Variants in SPAG9 observed in about 807,000 individuals in gnomAD.
SPAG9 encodes the protein C-Jun-amino-terminal kinase-interacting protein 4.
SPAG9 carries 35 observed loss-of-function variants against 166.5 expected under a neutral mutation model. That is an observed-to-expected ratio of 0.21 (90% CI 0.16 to 0.28). The LOEUF is 0.28. Ranked by LOEUF, SPAG9 falls within the 10% of genes least tolerant of loss-of-function variation. The probability of loss-of-function intolerance (pLI) is 1.00; values close to 1 mark genes in which losing one functional copy is unlikely to be tolerated. For missense variants in SPAG9, 1,235 were observed against 1,603.3 expected (o/e 0.77, Z 3.92); for synonymous variants, 534 against 565.5 (o/e 0.94, Z 0.79).
At chr17:50,979,321 G>A (rs1012871205) in intron 26 of SPAG9, among the ~76,000 whole-genome samples, 4 of 147,702 alleles carry the variant, frequency 2.7e-5, no homozygotes, top group African/African-American at 7.5e-5. Context: ...GCAGTGAGCC[G>A]TGATGGTGCC....
At position 51,046,375 on chromosome 17, in the gene SPAG9, A is replaced by G. The variant is rs892588227; in HGVS notation, c.590+1000T>C. On this transcript the variant is annotated intron_variant, in intron 4 of 29. Coordinates refer to ENST00000262013, the MANE Select transcript of SPAG9 (RefSeq NM_001130528.3). Reference sequence around the variant, plus strand: ...AAATTACTATAAATTAGAATCAAAAATCCTAGCTTCAGGCCATTTTCCATT... The same window carrying G: ...AAATTACTATAAATTAGAATCAAAAGTCCTAGCTTCAGGCCATTTTCCATT... 22 of 660,494 alleles carry G rather than the reference A, an allele frequency of 3.3e-5. No homozygotes were observed. The African/African-American group carries it at 3.6e-4, about 11-fold the overall frequency. 40.9% of individuals were successfully genotyped at this position (660,494 alleles called of 1,614,324 possible).
At chr17:51,019,943 G>C (rs914686849) in intron 8 of SPAG9, among the ~76,000 whole-genome samples, 1 of 152,192 alleles carries the variant, frequency 6.6e-6, no homozygotes, top group Non-Finnish European at 1.5e-5. Context: ...CATCCTTCCT[G>C]CTCATACACC....
chr17:50,996,177 A>C (rs1375287841), intron 16 of SPAG9: 4 of 184,848 alleles, frequency 2.2e-5, no homozygotes, highest in African/African-American at 9.5e-5. Flanking sequence ...AAAATTCCTG[A>C]AGACCTGAAC....
intron 2 of SPAG9, among the ~76,000 whole-genome samples, chr17:51,075,678 G>A (rs187981447): frequency 6.6e-6 from 1 of 152,216 alleles, no homozygotes; most frequent in Non-Finnish European, 1.5e-5. Flanking sequence ...TTTAAAATTA[G>A]CCAGGTATGG....
chr17:51,094,967 A>G (rs2048569077), intron 1 of SPAG9, among the ~76,000 whole-genome samples: 1 of 152,204 alleles, frequency 6.6e-6, no homozygotes, highest in Non-Finnish European at 1.5e-5. Flanking sequence ...ATGCTCAAGC[A>G]CACTACTGAT....
chr17:51,041,362 C>T, intron 5 of SPAG9, 139 bp downstream of exon 5: 1 of 681,690 alleles, frequency 1.5e-6, no homozygotes, highest in Non-Finnish European at 2.3e-6. Context: ...AGCTCATTTC[C>T]AATTTAAAAA....
At chr17:51,030,004 C>T (rs934488582) in intron 6 of SPAG9, among the ~76,000 whole-genome samples, 7 of 152,112 alleles carry the variant, frequency 4.6e-5, no homozygotes, top group African/African-American at 1.7e-4. Flanking sequence ...ACAAAATAAA[C>T]GTCATTACTT....
chr17:51,112,813 A>C (rs1197488831), intron 1 of SPAG9, among the ~76,000 whole-genome samples: 1 of 151,700 alleles, frequency 6.6e-6, no homozygotes, highest in Non-Finnish European at 1.5e-5. Flanking sequence ...GTTTCTACAA[A>C]AAAAATTAAA....
chr17:51,014,974 A>C lies in SPAG9; in HGVS notation c.1092-621T>G, dbSNP rs1013942299. 3.3e-5 allele frequency among the ~76,000 whole-genome samples: 5 copies of C among 152,076 alleles called. No homozygotes were observed. In the South Asian group the frequency reaches 6.2e-4, roughly 19 times the overall value. On this transcript the variant is annotated intron_variant, in intron 8 of 29. Coordinates refer to ENST00000262013, the MANE Select transcript of SPAG9 (RefSeq NM_001130528.3). Reference sequence around the variant, plus strand: ...CCTGAATACTATTATTAATAGAAAAAACTCTGTAGACCATTTCCAGCTAAA... The same window carrying C: ...CCTGAATACTATTATTAATAGAAAACACTCTGTAGACCATTTCCAGCTAAA...
At position 51,100,919 on chromosome 17, in the gene SPAG9, T is replaced by TA. The variant is rs879649688; in HGVS notation, c.303+19434dup. 3.7e-4 allele frequency among the ~76,000 whole-genome samples: 52 copies of TA among 142,272 alleles called. No homozygotes were observed. In the East Asian group the frequency reaches 4.3e-3, roughly 12 times the overall value. The allele number at this position is 142,272 out of a possible 152,430, so 93.3% of individuals were successfully genotyped here. ...TGGGCAATAAGAGCAAAACTCCGTC[T>TA]AAAAAAAAAAAAGTTAAAACTAAAC... On this transcript the variant is annotated intron_variant, in intron 1 of 29. Transcript: ENST00000262013.
chr17:51,023,107 CTTA>C (rs998793657), intron 6 of SPAG9, among the ~76,000 whole-genome samples: 161 of 148,712 alleles, frequency 1.1e-3, no homozygotes, highest in African/African-American at 3.7e-3. Context: ...TCTTAAGATT[CTTA>C]TTAAGTTATT....
At chr17:50,989,983 G>T in intron 20 of SPAG9, 111 bp from the exon 21 acceptor site, 1 of 869,638 alleles carries the variant, frequency 1.1e-6, no homozygotes, top group South Asian at 1.4e-5. Flanking sequence ...CCTTCACACT[G>T]TACCATGAAA....
intron 4 of SPAG9, 48 bp downstream of exon 4, chr17:51,047,327 A>G: frequency 9.9e-7 from 1 of 1,012,888 alleles, no homozygotes; most frequent in Non-Finnish European, 1.5e-6. Context: ...AAACAAACAT[A>G]TTATTTATTT....
At chr17:51,059,395 C>A (rs1444463624) in intron 2 of SPAG9, among the ~76,000 whole-genome samples, 1 of 152,006 alleles carries the variant, frequency 6.6e-6, no homozygotes, top group African/African-American at 2.4e-5. Context: ...CTATTCAGAA[C>A]CATAACAAAC....
chr17:51,034,866 T>C (rs1305178175), intron 5 of SPAG9, among the ~76,000 whole-genome samples: 1 of 151,722 alleles, frequency 6.6e-6, no homozygotes, highest in Non-Finnish European at 1.5e-5. Flanking sequence ...ATAACCTCAA[T>C]CTAATAATGA....
chr17:51,055,071 G>C lies in SPAG9; in HGVS notation c.495+1341C>G, dbSNP rs903819636. Among the ~76,000 whole-genome samples the C allele has an allele frequency of 2.6e-5, 4 of 152,150 alleles. No individual in the cohort carries two copies. In the South Asian group the frequency reaches 8.3e-4, roughly 32 times the overall value. On this transcript the variant is annotated intron_variant, in intron 3 of 29. Transcript: ENST00000262013. ...ATAAATAAATAAACAGCAACGTCCA[G>C]GCACACTGGCTCACACGTGTAATGC...
chr17:51,011,597 G>A (rs1597987086), intron 9 of SPAG9, among the ~76,000 whole-genome samples: 1 of 152,064 alleles, frequency 6.6e-6, no homozygotes, highest in East Asian at 1.9e-4. Flanking sequence ...TGGCCAGGCT[G>A]GTCTCGAACT....
intron 29 of SPAG9, among the ~76,000 whole-genome samples, 178 bp downstream of exon 29, chr17:50,970,526 AAAG>A (rs1973705412): frequency 6.6e-6 from 1 of 151,776 alleles, no homozygotes; most frequent in African/African-American, 2.4e-5. Flanking sequence ...AAAAAAAAAA[AAAG>A]AAAGAAATAC....
chr17:51,060,291 G>GCAAGAGTTCGAGACCAGCCTGGC (rs1344050381), intron 2 of SPAG9, among the ~76,000 whole-genome samples: 2 of 151,788 alleles, frequency 1.3e-5, no homozygotes, highest in African/African-American at 4.8e-5. Context: ...GATTACCTGG[G>GCAAGAGTTCGAGACCAGCCTGGC]CAAGAGTTCG....
Sources: allele counts gnomAD v4.1 joint callset (sites outside exome capture counted in the v4.1 genomes callset), GRCh38; gene constraint gnomAD v4.1.1; transcripts MANE v1.5; gene names NCBI Gene and HGNC (gene_info 2026-07-23, HGNC 2026-07-21).